Variants in MNAT1 observed in about 807,000 individuals in gnomAD.
MNAT1 encodes CDK-activating kinase assembly factor MAT1.
A neutral mutation model predicts 42.0 loss-of-function variants in MNAT1; 43 were observed. The observed-to-expected ratio is 1.02, with a 90% CI of 0.80 to 1.32. The LOEUF (loss-of-function observed/expected upper bound fraction) is 1.32. MNAT1 is among the 40% of genes most tolerant of loss of function. The probability of loss-of-function intolerance (pLI) is 0.00; values close to 1 mark genes in which losing one functional copy is unlikely to be tolerated. For synonymous variants in MNAT1, 118 were observed against 120.0 expected (o/e 0.98, Z 0.11); for missense variants, 306 against 350.4 (o/e 0.87, Z 1.01).
At chr14:60,876,936 G>T (rs185763198) in intron 6 of MNAT1, among the ~76,000 whole-genome samples, 10 of 151,818 alleles carry the variant, frequency 6.6e-5, no homozygotes, top group Non-Finnish European at 5.9e-5. Flanking sequence ...TTTCACTTTC[G>T]GGTATATACC....
chr14:60,766,541 A>G (rs1315234245), intron 1 of MNAT1, among the ~76,000 whole-genome samples: 1 of 151,448 alleles, frequency 6.6e-6, no homozygotes, highest in Non-Finnish European at 1.5e-5. Context: ...GTGAAACTCC[A>G]TTTCTATTAA....
chr14:60,854,469 C>T (rs1222392164), intron 6 of MNAT1, among the ~76,000 whole-genome samples: 1 of 152,124 alleles, frequency 6.6e-6, no homozygotes. Context: ...AGCTGATGAC[C>T]TTTGGATGGG....
intron 6 of MNAT1, among the ~76,000 whole-genome samples, chr14:60,870,254 G>T (rs2034299558): frequency 6.6e-6 from 1 of 151,974 alleles, no homozygotes; most frequent in South Asian, 2.1e-4. Flanking sequence ...AAAGAAACAG[G>T]TTCCATTTTG....
At chr14:60,919,516 A>G (rs766775445) in intron 7 of MNAT1, 1 of 152,790 alleles carries the variant, frequency 6.5e-6, no homozygotes, top group Non-Finnish European at 1.5e-5. Context: ...AGGTACAGCC[A>G]CTGGCAGTCA....
At chr14:60,795,415 T>C (rs1035644802) in intron 1 of MNAT1, among the ~76,000 whole-genome samples, 4 of 152,298 alleles carry the variant, frequency 2.6e-5, no homozygotes, top group Admixed American at 2.6e-4. Flanking sequence ...AATCTGGTTA[T>C]AGAGAGGTTT....
intron 5 of MNAT1, among the ~76,000 whole-genome samples, chr14:60,817,012 C>T (rs897891256): frequency 5.3e-5 from 8 of 151,828 alleles, no homozygotes; most frequent in Admixed American, 2.6e-4. Context: ...GAAGTTAATA[C>T]GTTGCTTTTA....
At chr14:60,763,793 C>T (rs2030704732) in intron 1 of MNAT1, among the ~76,000 whole-genome samples, 1 of 152,160 alleles carries the variant, frequency 6.6e-6, no homozygotes, top group South Asian at 2.1e-4. Flanking sequence ...TATTAATCCA[C>T]CTGGCGGAGT....
At chr14:60,786,593 TA>T (rs1350881265) in intron 1 of MNAT1, among the ~76,000 whole-genome samples, 1 of 152,188 alleles carries the variant, frequency 6.6e-6, no homozygotes, top group Non-Finnish European at 1.5e-5. Flanking sequence ...CATCAAAAAT[TA>T]TAAACCTATT....
chr14:60,785,347 CTT>C (rs1566764642), intron 1 of MNAT1, among the ~76,000 whole-genome samples: 4 of 152,002 alleles, frequency 2.6e-5, no homozygotes, highest in African/African-American at 9.7e-5. Context: ...TAAAATATAA[CTT>C]AGGTTTTGAA....
rs140800263 is a variant in MNAT1, at chr14:60,879,056, A to G, written c.688-658A>G. On this transcript the variant is annotated intron_variant, in intron 6 of 7. Transcript: ENST00000261245. Reference sequence around the variant, plus strand: ...AACAAGTTTTTTTTTTTTTCCTCACAAATTGATGCAGATGGTCTGCCACTG... The same window carrying G: ...AACAAGTTTTTTTTTTTTTCCTCACGAATTGATGCAGATGGTCTGCCACTG... 2.0e-5 allele frequency among the ~76,000 whole-genome samples: 3 copies of G among 152,046 alleles called. No individual in the cohort carries two copies. The East Asian group carries it at 5.8e-4, about 29-fold the overall frequency.
In MNAT1 at chr14:60,750,176, T is replaced by C. The variant is rs1439849055; in HGVS notation, c.89+15225T>C. ...ATGGTTTCTGCCCCCATTACTTTTATAGTGTCTTAGTTCTTCTTTTGAGTC... is the reference window on the plus strand; with the variant it reads ...ATGGTTTCTGCCCCCATTACTTTTACAGTGTCTTAGTTCTTCTTTTGAGTC... On this transcript the variant is annotated intron_variant, in intron 1 of 7. Coordinates refer to ENST00000261245, the MANE Select transcript of MNAT1 (RefSeq NM_002431.4). 2.6e-5 allele frequency among the ~76,000 whole-genome samples: 4 copies of C among 152,084 alleles called. No homozygotes were observed. The South Asian group carries it at 6.2e-4, about 24-fold the overall frequency.
chr14:60,879,584 C>T lies in MNAT1; in HGVS notation c.688-130C>T, dbSNP rs935231665. 6.2e-6 allele frequency: 5 copies of T among 803,232 alleles called. No individual in the cohort carries two copies. In the East Asian group the frequency reaches 1.4e-4, roughly 23 times the overall value. The allele number at this position is 803,232 out of a possible 1,614,324, so 49.8% of individuals were successfully genotyped here. ...TGGTTATGCTGCAATGCATTGTACC[C>T]ATGGAACAGCACAACTAATGGCTAA... is the stretch of plus-strand genomic sequence containing the variant. On this transcript the variant is annotated intron_variant, in intron 6 of 7. Transcript: ENST00000261245.
At chr14:60,798,904 A>T (rs2032109897) in intron 3 of MNAT1, among the ~76,000 whole-genome samples, 1 of 152,150 alleles carries the variant, frequency 6.6e-6, no homozygotes, top group Admixed American at 6.5e-5. Context: ...AACAGCAATC[A>T]TTTTTATTCT....
intron 7 of MNAT1, among the ~76,000 whole-genome samples, chr14:60,930,206 T>C (rs1017308488): frequency 4.3e-5 from 6 of 138,750 alleles, no homozygotes; most frequent in African/African-American, 1.6e-4. Flanking sequence ...TTCTTCCGTC[T>C]TTATTATTAT....
In MNAT1 at chr14:60,956,041, C is replaced by G. The variant is rs140421052; in HGVS notation, c.810-12188C>G. Among the ~76,000 whole-genome samples, 3 of 152,038 alleles carry G rather than the reference C, an allele frequency of 2.0e-5. No individual in the cohort carries two copies. In the East Asian group the frequency reaches 5.8e-4, roughly 29 times the overall value. On this transcript the variant is annotated intron_variant, in intron 7 of 7. Transcript: ENST00000261245. ...ACTCTGATCTTTATTTCCATCCTGA[C>G]TGTAACTTTGGGCTTCCTTACACTA...
At position 60,760,024 on chromosome 14, in the gene MNAT1, G is replaced by T. The variant is rs936256156; in HGVS notation, c.89+25073G>T. On this transcript the variant is annotated intron_variant, in intron 1 of 7. Transcript: ENST00000261245. ...GAAAATTCAAGCCAGCTTGGGTAGG[G>T]AGAATATGAAGTGAGAGAAACTGAA... is the stretch of plus-strand genomic sequence containing the variant. Among the ~76,000 whole-genome samples the T allele has an allele frequency of 3.7e-4, 57 of 152,144 alleles. 1 individual carries two copies. The highest frequency in any genetic ancestry group is 1.8e-4 in the Non-Finnish European group (12 of 68,000).
intron 6 of MNAT1, among the ~76,000 whole-genome samples, chr14:60,823,177 T>C (rs2032948950): frequency 1.3e-5 from 2 of 152,164 alleles, no homozygotes. Flanking sequence ...GGCTTTAAGG[T>C]CAACAACCTT....
chr14:60,875,092 G>A (rs2034408659), intron 6 of MNAT1, among the ~76,000 whole-genome samples: 1 of 151,988 alleles, frequency 6.6e-6, no homozygotes. Flanking sequence ...CTACCACTGA[G>A]TAATGTTTAT....
intron 7 of MNAT1, among the ~76,000 whole-genome samples, chr14:60,952,142 G>C (rs1311186896): frequency 1.3e-5 from 2 of 152,184 alleles, no homozygotes; most frequent in African/African-American, 4.8e-5. Flanking sequence ...ACTGAGACCT[G>C]TCTCCTTTAA....
Sources: allele counts gnomAD v4.1 joint callset (sites outside exome capture counted in the v4.1 genomes callset), GRCh38; gene constraint gnomAD v4.1.1; transcripts MANE v1.5; gene names NCBI Gene and HGNC (gene_info 2026-07-23, HGNC 2026-07-21).